Variants in PLCL2 observed in about 807,000 individuals in gnomAD.
PLCL2 encodes inactive phospholipase C-like protein 2.
PLCL2 carries 4 observed loss-of-function variants against 79.6 expected under a neutral mutation model. That is an observed-to-expected ratio of 0.05 (90% CI 0.02 to 0.11). PLCL2 has a LOEUF of 0.11. PLCL2 is among the 10% of genes least tolerant of loss of function. PLCL2 has a pLI of 1.00. For synonymous variants in PLCL2, 484 were observed against 457.7 expected (o/e 1.06, Z -0.73); for missense variants, 895 against 1,291.0 (o/e 0.69, Z 4.70).
chr3:17,008,801 G>A (rs548642208), intron 1 of PLCL2, among the ~76,000 whole-genome samples: 4 of 152,038 alleles, frequency 2.6e-5, no homozygotes, highest in Admixed American at 2.6e-4. Flanking sequence ...ACTTTTCTCT[G>A]GGCTCTGAAA....
intron 3 of PLCL2, among the ~76,000 whole-genome samples, chr3:17,038,554 T>G (rs2064684052): frequency 6.6e-6 from 1 of 152,188 alleles, no homozygotes. Context: ...TGCACATCTG[T>G]TTTTGTCTAA....
rs779365533 is a variant in PLCL2, at chr3:17,022,504, AAAAG to A, written c.3018+7609_3018+7612del. ...AAGGACCCTTACAGGAAATTTAAAA[AAAAG>A]AAAGAAAGAAAGAAAAGGATTTTAT... is the stretch of plus-strand genomic sequence containing the variant. On this transcript the variant is annotated intron_variant, in intron 3 of 5. Transcript: ENST00000615277. 7.9e-5 allele frequency among the ~76,000 whole-genome samples: 12 copies of A among 152,318 alleles called. 1 individual carries two copies. Among genetic ancestry groups the A allele is most frequent in the Admixed American group, 6.5e-5 (1 of 15,286 alleles).
At chr3:16,895,370 A>G (rs1696455154) in intron 1 of PLCL2, among the ~76,000 whole-genome samples, 2 of 152,148 alleles carry the variant, frequency 1.3e-5, no homozygotes, top group African/African-American at 4.8e-5. Context: ...TTTCATGTTT[A>G]GATCTGGATT....
intron 1 of PLCL2, among the ~76,000 whole-genome samples, chr3:16,991,486 T>C (rs1575574927): frequency 1.3e-5 from 2 of 152,194 alleles, no homozygotes; most frequent in Non-Finnish European, 2.9e-5. Flanking sequence ...CTCCATACTT[T>C]ATTCTCTTCA....
Position 17,035,693 on chromosome 3 carries a change from A to G in PLCL2, c.3019-7181A>G, listed in dbSNP as rs775324148. The G allele has an allele frequency of 2.6e-4, 119 of 453,268 alleles. 1 individual carries two copies. The highest frequency in any genetic ancestry group is 1.6e-3 in the Admixed American group (65 of 41,738). The allele number at this position is 453,268 out of a possible 1,614,324, so 28.1% of individuals were successfully genotyped here. A position where few individuals can be genotyped will look rare whatever the true frequency, so the allele number is the denominator to read the frequency against. The stretch of plus-strand genomic sequence containing the variant: ...TTGTCAAGGGTTTGTGATTAAATTC[A>G]AACTCTGCAGTGTAGAAGTTTATAT... On this transcript the variant is annotated intron_variant, in intron 3 of 5. Coordinates refer to ENST00000615277, the MANE Select transcript of PLCL2 (RefSeq NM_001144382.2).
chr3:17,077,542 T>G (rs1017871164), intron 5 of PLCL2, among the ~76,000 whole-genome samples: 2 of 152,234 alleles, frequency 1.3e-5, no homozygotes, highest in African/African-American at 4.8e-5. Flanking sequence ...TGTAATGCAT[T>G]TTCAATCCAC....
chr3:17,040,345 G>T (rs980977907), intron 3 of PLCL2, among the ~76,000 whole-genome samples: 4 of 152,120 alleles, frequency 2.6e-5, no homozygotes, highest in African/African-American at 9.7e-5. Context: ...TAGCTGGAAG[G>T]TGCATAATTA....
chr3:16,990,406 A>G (rs971424999), intron 1 of PLCL2, among the ~76,000 whole-genome samples: 6 of 152,222 alleles, frequency 3.9e-5, no homozygotes, highest in Non-Finnish European at 8.8e-5. Context: ...ATTGGTGGTC[A>G]GAGGCCCTGC....
At chr3:16,902,115 G>C (rs766016471) in intron 1 of PLCL2, among the ~76,000 whole-genome samples, 1 of 152,146 alleles carries the variant, frequency 6.6e-6, no homozygotes, top group Non-Finnish European at 1.5e-5. Flanking sequence ...TCACTACAAT[G>C]TATTCACATC....
chr3:16,928,156 A>G (rs1473648953), intron 1 of PLCL2, among the ~76,000 whole-genome samples: 1 of 152,204 alleles, frequency 6.6e-6, no homozygotes, highest in Non-Finnish European at 1.5e-5. Flanking sequence ...CTGGGGAGGC[A>G]ATGGTGATAC....
intron 3 of PLCL2, among the ~76,000 whole-genome samples, chr3:17,026,524 A>G (rs1206181469): frequency 6.6e-6 from 1 of 152,198 alleles, no homozygotes; most frequent in African/African-American, 2.4e-5. Flanking sequence ...CACTGGACAG[A>G]CATCAGATGG....
At chr3:17,008,741 T>G (rs2064289552) in intron 1 of PLCL2, among the ~76,000 whole-genome samples, 1 of 152,186 alleles carries the variant, frequency 6.6e-6, no homozygotes, top group Admixed American at 6.5e-5. Flanking sequence ...TTAGCTCCTC[T>G]GTCACCTTGA....
In PLCL2 at chr3:16,903,422, A is replaced by G. The variant is rs890137093; in HGVS notation, c.327+18056A>G. Among the ~76,000 whole-genome samples, 6 of 152,330 alleles carry G rather than the reference A, an allele frequency of 3.9e-5. No individual in the cohort carries two copies. The South Asian group carries it at 1.2e-3, about 32-fold the overall frequency. On this transcript the variant is annotated intron_variant, in intron 1 of 5. Coordinates refer to ENST00000615277, the MANE Select transcript of PLCL2 (RefSeq NM_001144382.2). ...GGAACTGATTTAGTTCCTGTTCGAC[A>G]GGCACTGAAACAGGCCTGTCCTGCC...
At chr3:16,956,226 T>C (rs1020968152) in intron 1 of PLCL2, among the ~76,000 whole-genome samples, 5 of 152,078 alleles carry the variant, frequency 3.3e-5, no homozygotes, top group African/African-American at 1.2e-4. Context: ...TTATTGAGAG[T>C]TTTTAGCATG....
At chr3:17,062,661 T>G (rs137981388) in intron 4 of PLCL2, among the ~76,000 whole-genome samples, 197 of 152,368 alleles carry the variant, frequency 1.3e-3, no homozygotes, top group African/African-American at 4.4e-3. Context: ...ATTATTTTGT[T>G]AAACAATTAA....
intron 1 of PLCL2, among the ~76,000 whole-genome samples, chr3:16,991,607 A>C (rs908155128): frequency 6.6e-6 from 1 of 152,206 alleles, no homozygotes; most frequent in African/African-American, 2.4e-5. Flanking sequence ...AGTATGGGGT[A>C]GTGGGTCACA....
At chr3:17,012,235 G>T (rs2064334184) in intron 2 of PLCL2, 75 bp downstream of exon 2, 4 of 1,303,624 alleles carry the variant, frequency 3.1e-6, no homozygotes, top group South Asian at 3.5e-5. Context: ...AAATATATTG[G>T]TTTTTTAATA....
intron 3 of PLCL2, among the ~76,000 whole-genome samples, chr3:17,041,951 A>G (rs989150173): frequency 2.0e-5 from 3 of 152,228 alleles, no homozygotes; most frequent in African/African-American, 4.8e-5. Flanking sequence ...TCTTAAAAAA[A>G]TAAAAAGAAA....
intron 3 of PLCL2, among the ~76,000 whole-genome samples, chr3:17,029,671 G>A (rs981036457): frequency 1.3e-5 from 2 of 152,140 alleles, no homozygotes; most frequent in African/African-American, 4.8e-5. Flanking sequence ...GCTGAGCAGA[G>A]AAATTCTTGA....
Sources: gnomAD v4.1 joint callset for allele counts (sites outside exome capture counted in the v4.1 genomes callset) on GRCh38, gnomAD v4.1.1 for gene constraint, MANE v1.5 for transcripts, NCBI Gene and HGNC (gene_info 2026-07-23, HGNC 2026-07-21) for gene names.